TUBGCP4: variants seen among roughly 807,000 people sequenced by gnomAD.
TUBGCP4 encodes the protein tubulin gamma complex component 4, also known as gamma-tubulin complex component 4.
TUBGCP4 carries 54 observed loss-of-function variants against 91.6 expected under a neutral mutation model. The observed-to-expected ratio is 0.59, with a 90% CI of 0.47 to 0.74. The LOEUF is 0.74. TUBGCP4 is among the 30% of genes least tolerant of loss of function. The pLI, the probability that TUBGCP4 is intolerant of heterozygous loss-of-function variation, is 0.00. For missense variants in TUBGCP4, 593 were observed against 800.9 expected, an observed-to-expected ratio of 0.74 and a Z score of 3.13; for synonymous variants, 297 against 302.8, an observed-to-expected ratio of 0.98 and a Z score of 0.20.
rs1319702846 is a variant in TUBGCP4, at chr15:43,395,714, A to T, written c.1171+26A>T. On this transcript the variant is annotated intron_variant, in intron 11 of 17. Coordinates refer to ENST00000564079, the MANE Select transcript of TUBGCP4 (RefSeq NM_014444.5). The stretch of plus-strand genomic sequence containing the variant: ...GTAATTGTCAGTGGCCCTGAGAATG[A>T]TCAACTGATTGACATTGCAGGGTAT... 1.9e-6 allele frequency: 3 copies of T among 1,571,246 alleles called. No individual in the cohort carries two copies. The Admixed American group carries it at 5.0e-5, about 26-fold the overall frequency.
chr15:43,407,659 C>CCACT lies in TUBGCP4; in HGVS notation c.*2447_*2450dup. On this transcript the variant is annotated 3_prime_UTR_variant, in exon 18 of 18. Coordinates refer to ENST00000564079, the MANE Select transcript of TUBGCP4 (RefSeq NM_014444.5). ...GAGATTTGATTCTAACCAATACATC[C>CCACT]CACTCTGCACAAACCAAAGCCCTAT... The CCACT allele has an allele frequency of 7.9e-7, 1 of 1,263,764 alleles. No homozygotes were observed. The highest frequency in any genetic ancestry group is 1.1e-6 in the Non-Finnish European group (1 of 913,950). 78.3% of individuals were successfully genotyped at this position (1,263,764 alleles called of 1,614,324 possible).
intron 14 of TUBGCP4, among the ~76,000 whole-genome samples, chr15:43,401,333 C>G (rs942718312): frequency 2.6e-5 from 4 of 151,954 alleles, no homozygotes; most frequent in African/African-American, 9.7e-5. Context: ...CACCTGTAAT[C>G]TTAGCTACTC....
At chr15:43,380,537 A>G (rs2044271318) in intron 6 of TUBGCP4, among the ~76,000 whole-genome samples, 1 of 152,234 alleles carries the variant, frequency 6.6e-6, no homozygotes. Context: ...AAAAATGTTT[A>G]TGCTTTATAA....
At chr15:43,403,993 C>CA (rs2044770222) in intron 16 of TUBGCP4, 194 bp downstream of exon 16, 1 of 587,202 alleles carries the variant, frequency 1.7e-6, no homozygotes, top group East Asian at 2.8e-5. Context: ...TCACAGTGCT[C>CA]AAAAATAGTT....
chr15:43,388,174 G>A (rs2044410819), intron 9 of TUBGCP4, among the ~76,000 whole-genome samples: 1 of 152,136 alleles, frequency 6.6e-6, no homozygotes, highest in Non-Finnish European at 1.5e-5. Flanking sequence ...AAGCAAGCCA[G>A]TCCACCCACC....
intron 5 of TUBGCP4, 35 bp downstream of exon 5, chr15:43,377,938 G>T: frequency 6.7e-7 from 1 of 1,490,624 alleles, no homozygotes; most frequent in South Asian, 1.2e-5. Context: ...GCTTTGCTAA[G>T]CACTGAGGGA....
intron 9 of TUBGCP4, among the ~76,000 whole-genome samples, chr15:43,391,130 A>G (rs939414699): frequency 2.0e-5 from 3 of 151,830 alleles, no homozygotes; most frequent in African/African-American, 7.3e-5. Flanking sequence ...GGCTCAAGCA[A>G]TCTTCCCTTC....
Position 43,371,140 on chromosome 15 carries a change from C to A in TUBGCP4, c.-215C>A, listed in dbSNP as rs543207317. 2 of 610,612 alleles carry A rather than the reference C, an allele frequency of 3.3e-6. No individual in the cohort carries two copies. The highest frequency in any genetic ancestry group is 5.6e-5 in the Admixed American group (2 of 35,978). The allele number at this position is 610,612 out of a possible 1,614,324, so 37.8% of individuals were successfully genotyped here. A position where few individuals can be genotyped will look rare whatever the true frequency, so the allele number is the denominator to read the frequency against. ...CCGGGCGGGAGTAGCTGGTGGACCCCGTTGAGCTGCCGAACTTCCGGGACT... is the reference window on the plus strand; with the variant it reads ...CCGGGCGGGAGTAGCTGGTGGACCCAGTTGAGCTGCCGAACTTCCGGGACT... On this transcript the variant is annotated 5_prime_UTR_variant, in exon 1 of 18. Coordinates refer to ENST00000564079, the MANE Select transcript of TUBGCP4 (RefSeq NM_014444.5).
rs1210033552 is a variant in TUBGCP4 at position 43,406,654 on chromosome 15, G to A, written c.*1440G>A. On this transcript the variant is annotated 3_prime_UTR_variant, in exon 18 of 18. Transcript: ENST00000564079. ...AGAATGAGAAGCCATGCAGGGATCA[G>A]TGATGCCAGAGGAAGGGAAGGAACT... 1 of 454,820 alleles carries A rather than the reference G, an allele frequency of 2.2e-6. No individual in the cohort carries two copies. Among genetic ancestry groups the A allele is most frequent in the South Asian group, 1.6e-5 (1 of 64,188 alleles). 28.2% of individuals were successfully genotyped at this position (454,820 alleles called of 1,614,324 possible). A position where few individuals can be genotyped will look rare whatever the true frequency, so the allele number is the denominator to read the frequency against.
chr15:43,396,396 G>C (rs982297468), intron 11 of TUBGCP4, among the ~76,000 whole-genome samples: 2 of 152,188 alleles, frequency 1.3e-5, no homozygotes, highest in Non-Finnish European at 1.5e-5. Context: ...TTGACCCACT[G>C]ATGTCCATTC....
intron 9 of TUBGCP4, 47 bp downstream of exon 9, chr15:43,386,377 ATTTTTTTT>A (rs748820688): frequency 5.8e-4 from 11 of 19,102 alleles, no homozygotes; most frequent in Non-Finnish European, 7.2e-4. Context: ...ATATATATAT[ATTTTTTTT>A]TTTTTTTTTT....
rs372969379 is a variant in TUBGCP4 at position 43,372,899 on chromosome 15, CT to C, written c.78+1468del. On this transcript the variant is annotated intron_variant, in intron 1 of 17. Transcript: ENST00000564079. ...AGCCTTTCTCCCGCATAGATTGCCCCTGGGAGCGAAGACCAGTGGTCTTCTT... is the reference window on the plus strand; with the variant it reads ...AGCCTTTCTCCCGCATAGATTGCCCCGGGAGCGAAGACCAGTGGTCTTCTT... Among the ~76,000 whole-genome samples the C allele has an allele frequency of 2.0e-3, 301 of 152,270 alleles. 2 individuals are homozygous for C. Among genetic ancestry groups the C allele is most frequent in the African/African-American group, 6.7e-3 (279 of 41,544 alleles).
rs776544530 is a variant in TUBGCP4 at position 43,408,862 on chromosome 15, G to T, written c.*3648G>T. ...TCCCTCCAAAGCTTGCTGTCCTCCTGCCTATACAATTCTGGATGGGCTTCA... is the reference window on the plus strand; with the variant it reads ...TCCCTCCAAAGCTTGCTGTCCTCCTTCCTATACAATTCTGGATGGGCTTCA... On this transcript the variant is annotated 3_prime_UTR_variant, in exon 18 of 18. Coordinates refer to ENST00000564079, the MANE Select transcript of TUBGCP4 (RefSeq NM_014444.5). 6 of 1,603,072 alleles carry T rather than the reference G, an allele frequency of 3.7e-6. No individual in the cohort carries two copies. Among genetic ancestry groups the T allele is most frequent in the African/African-American group, 1.3e-5 (1 of 74,652 alleles).
At chr15:43,384,393 A>G (rs994067770) in intron 7 of TUBGCP4, among the ~76,000 whole-genome samples, 2 of 152,186 alleles carry the variant, frequency 1.3e-5, no homozygotes, top group African/African-American at 2.4e-5. Context: ...GTCATGGGAT[A>G]GGGTCTTGGA....
At chr15:43,381,492 T>A (rs111692585) in intron 6 of TUBGCP4, among the ~76,000 whole-genome samples, 96 of 152,276 alleles carry the variant, frequency 6.3e-4, no homozygotes, top group African/African-American at 2.2e-3. Context: ...ATCCCAGCAC[T>A]TTGGAAGGCT....
chr15:43,397,233 A>G lies in TUBGCP4; in HGVS notation c.1191A>G (p.Gln397=), dbSNP rs762498629. Residue 397 remains glutamine (Q), a synonymous_variant, in exon 12 of 18, where the codon CAA becomes CAG. Transcript: ENST00000564079. The part of the protein sequence containing the change: ...VTEHDVNVAF[Q]QSAHKVLLDD... ...TTGCAGATGTGAATGTGGCCTTTCA[A>G]CAGTCAGCACACAAGGTATTGCTAG... 6.8e-6 allele frequency: 11 copies of G among 1,614,102 alleles called. No homozygotes were observed. Among genetic ancestry groups the G allele is most frequent in the South Asian group, 2.2e-5 (2 of 91,084 alleles).
At chr15:43,399,874 T>C (rs957358716) in intron 13 of TUBGCP4, among the ~76,000 whole-genome samples, 170 bp from the exon 14 acceptor site, 3 of 152,232 alleles carry the variant, frequency 2.0e-5, no homozygotes, top group Non-Finnish European at 4.4e-5. Context: ...TGCTATATAA[T>C]ATTCCATTGT....
Position 43,406,721 on chromosome 15 carries a change from G to C in TUBGCP4, c.*1507G>C. On this transcript the variant is annotated 3_prime_UTR_variant, in exon 18 of 18. Coordinates refer to ENST00000564079, the MANE Select transcript of TUBGCP4 (RefSeq NM_014444.5). ...ACAATAATAATAATAATAATATTGGGTCTTTGACTAGAACGTGTAACATTT... is the reference window on the plus strand; with the variant it reads ...ACAATAATAATAATAATAATATTGGCTCTTTGACTAGAACGTGTAACATTT... 4.8e-6 allele frequency: 2 copies of C among 419,046 alleles called. No individual in the cohort carries two copies. The highest frequency in any genetic ancestry group is 9.4e-6 in the Non-Finnish European group (2 of 212,554). 26.0% of individuals were successfully genotyped at this position (419,046 alleles called of 1,614,324 possible). A position where few individuals can be genotyped will look rare whatever the true frequency, so the allele number is the denominator to read the frequency against.
intron 8 of TUBGCP4, 105 bp downstream of exon 8, chr15:43,386,061 C>A: frequency 6.6e-7 from 1 of 1,525,998 alleles, no homozygotes; most frequent in Non-Finnish European, 8.8e-7. Context: ...CGATAATATT[C>A]CTATCCTGAG....
Sources: allele counts gnomAD v4.1 joint callset (sites outside exome capture counted in the v4.1 genomes callset), GRCh38; gene constraint gnomAD v4.1.1; transcripts MANE v1.5; gene names NCBI Gene and HGNC (gene_info 2026-07-23, HGNC 2026-07-21).